UIMC1: variants seen among roughly 807,000 people sequenced by gnomAD.
UIMC1 encodes BRCA1-A complex subunit RAP80.
UIMC1 carries 42 observed loss-of-function variants against 84.9 expected under a neutral mutation model. That is an observed-to-expected ratio of 0.49 (90% confidence interval 0.39 to 0.64). The LOEUF is 0.64. Among genes scored for constraint, UIMC1 ranks in the 30% least tolerant of loss-of-function variants. The probability of loss-of-function intolerance (pLI) is 0.00; values close to 1 mark genes in which losing one functional copy is unlikely to be tolerated. For synonymous variants in UIMC1, 281 were observed against 293.0 expected (o/e 0.96, Z 0.42); for missense variants, 825 against 847.6 (o/e 0.97, Z 0.33).
chr5:176,989,025 G>T (rs1046501678), intron 1 of UIMC1, among the ~76,000 whole-genome samples: 1 of 151,970 alleles, frequency 6.6e-6, no homozygotes, highest in African/African-American at 2.4e-5. Flanking sequence ...GGGAGCCCCG[G>T]ATGATTTTAT....
intron 10 of UIMC1, among the ~76,000 whole-genome samples, chr5:176,911,746 A>T (rs1239128009): frequency 6.6e-6 from 1 of 152,134 alleles, no homozygotes; most frequent in Non-Finnish European, 1.5e-5. Context: ...TATGACACAC[A>T]CTCAAGTGAG....
chr5:177,019,869 T>C (rs1189744625), intron 1 of UIMC1, among the ~76,000 whole-genome samples: 1 of 151,608 alleles, frequency 6.6e-6, no homozygotes, highest in African/African-American at 2.4e-5. Context: ...GAGGTGGAGG[T>C]TGCAGTGAAC....
intron 10 of UIMC1, among the ~76,000 whole-genome samples, chr5:176,931,996 A>C (rs554390506): frequency 2.6e-4 from 40 of 152,254 alleles, no homozygotes; most frequent in African/African-American, 7.7e-4. Flanking sequence ...AACAAACAAA[A>C]AAAGAAGACA....
At chr5:176,926,057 A>C (rs1762353237) in intron 10 of UIMC1, among the ~76,000 whole-genome samples, 1 of 152,226 alleles carries the variant, frequency 6.6e-6, no homozygotes. Flanking sequence ...CTAAGTAATA[A>C]GATTCTTCTA....
chr5:176,968,990 C>T lies in UIMC1; in HGVS notation c.765G>A (p.Arg255=), dbSNP rs148055816. Reference sequence around the variant, plus strand: ...CATCTGCTAGGGTAGGTAGACAGTGCCTAGATGTGTCCCCGCTACCCTGGA... The same window carrying T: ...CATCTGCTAGGGTAGGTAGACAGTGTCTAGATGTGTCCCCGCTACCCTGGA... ...KAVQGSGDTS[R]HCLPTLADAK... The change falls in exon 6 of 15, where the codon AGG becomes AGA. Residue 255 remains arginine (R), a synonymous_variant. Transcript: ENST00000511320. 8.1e-6 allele frequency: 13 copies of T among 1,614,108 alleles called. No homozygotes were observed. In the African/African-American group the frequency reaches 1.7e-4, roughly 22 times the overall value.
intron 1 of UIMC1, among the ~76,000 whole-genome samples, chr5:177,005,118 G>T (rs1476786842): frequency 6.6e-6 from 1 of 151,784 alleles, no homozygotes; most frequent in Non-Finnish European, 1.5e-5. Flanking sequence ...TCTTGCCCAT[G>T]CTGAAGGGCA....
chr5:176,934,177 A>G (rs2149429024), intron 10 of UIMC1, among the ~76,000 whole-genome samples: 1 of 152,324 alleles, frequency 6.6e-6, no homozygotes, highest in Admixed American at 6.5e-5. Context: ...ACAGCAGGAT[A>G]TGAAAAAATC....
chr5:176,912,999 T>C (rs1172869239), intron 10 of UIMC1, among the ~76,000 whole-genome samples: 1 of 152,202 alleles, frequency 6.6e-6, no homozygotes, highest in South Asian at 2.1e-4. Flanking sequence ...TGAGGGAAAT[T>C]CACTTCCCCC....
chr5:176,989,550 C>T (rs778402889), intron 1 of UIMC1, among the ~76,000 whole-genome samples: 10 of 151,896 alleles, frequency 6.6e-5, no homozygotes, highest in Non-Finnish European at 1.2e-4. Context: ...GACCCAGCTA[C>T]TGGAGAGGCT....
chr5:177,020,986 CAA>C (rs1775787027), intron 1 of UIMC1, among the ~76,000 whole-genome samples: 2 of 152,134 alleles, frequency 1.3e-5, no homozygotes, highest in African/African-American at 4.8e-5. Flanking sequence ...GGTGCAATGA[CAA>C]GAGACAAAAG....
chr5:176,987,315 T>C (rs1473142385), intron 1 of UIMC1, among the ~76,000 whole-genome samples: 1 of 152,128 alleles, frequency 6.6e-6, no homozygotes, highest in Non-Finnish European at 1.5e-5. Context: ...TGCATTCCTA[T>C]ATGCTAGACA....
chr5:176,957,550 G>A (rs1484735153), intron 7 of UIMC1, among the ~76,000 whole-genome samples: 2 of 152,216 alleles, frequency 1.3e-5, no homozygotes, highest in South Asian at 2.1e-4. Context: ...GGCACAAACG[G>A]ATTAAAAGTG....
chr5:176,982,749 G>A lies in UIMC1; in HGVS notation c.-8-126C>T, dbSNP rs556264464. ...TGGTCTCGCTTTGTTGCCCAGGCTG[G>A]AGTGCAATGGCACGATCTTGGCTCA... is the stretch of plus-strand genomic sequence containing the variant. On this transcript the variant is annotated intron_variant, in intron 1 of 14. Transcript: ENST00000511320. The A allele has an allele frequency of 3.6e-5, 40 of 1,103,462 alleles. No homozygotes were observed. The African/African-American group carries it at 5.6e-4, about 15-fold the overall frequency. 68.4% of individuals were successfully genotyped at this position (1,103,462 alleles called of 1,614,324 possible). A position where few individuals can be genotyped will look rare whatever the true frequency, so the allele number is the denominator to read the frequency against.
rs531554517 is a variant in UIMC1, at chr5:176,949,441, T to C, written c.1443+2033A>G. Among the ~76,000 whole-genome samples, 3 of 152,356 alleles carry C rather than the reference T, an allele frequency of 2.0e-5. No individual in the cohort carries two copies. The East Asian group carries it at 5.8e-4, about 29-fold the overall frequency. On this transcript the variant is annotated intron_variant, in intron 9 of 14. Transcript: ENST00000511320. ...GGATGGGTATGAAATCAGCCTTAAC[T>C]AAGGGCTTCTTCTGTATGTTAGGAT...
chr5:176,952,438 G>A (rs394335), intron 8 of UIMC1, among the ~76,000 whole-genome samples: 5 of 151,860 alleles, frequency 3.3e-5, no homozygotes, highest in African/African-American at 4.8e-5. Flanking sequence ...TAGTTCAGGG[G>A]CCAGAAAACT....
chr5:176,958,219 TA>T, intron 6 of UIMC1, 65 bp from the exon 7 acceptor site: 2 of 1,374,070 alleles, frequency 1.5e-6, no homozygotes, highest in South Asian at 1.3e-5. Context: ...CTTCCTTTTT[TA>T]AAAAAATTTA....
chr5:176,916,586 TA>T lies in UIMC1; in HGVS notation c.1598-5198del, dbSNP rs1229562551. ...TGAATGAGATAACTGCATTTAACCTTAATGAGTTTTGCTAACAATCATATCA... is the reference window on the plus strand; with the variant it reads ...TGAATGAGATAACTGCATTTAACCTTATGAGTTTTGCTAACAATCATATCA... On this transcript the variant is annotated intron_variant, in intron 10 of 14. Coordinates refer to ENST00000511320, the MANE Select transcript of UIMC1 (RefSeq NM_001199298.2). Among the ~76,000 whole-genome samples the T allele has an allele frequency of 2.6e-5, 4 of 152,338 alleles. No homozygotes were observed. In the East Asian group the frequency reaches 7.7e-4, roughly 29 times the overall value.
At chr5:176,978,653 T>G (rs1447597969) in intron 2 of UIMC1, among the ~76,000 whole-genome samples, 1 of 152,112 alleles carries the variant, frequency 6.6e-6, no homozygotes, top group Non-Finnish European at 1.5e-5. Context: ...CAATATTATA[T>G]TAACATAACA....
chr5:176,968,060 C>G (rs893653444), intron 6 of UIMC1, among the ~76,000 whole-genome samples: 1 of 152,044 alleles, frequency 6.6e-6, no homozygotes, highest in Non-Finnish European at 1.5e-5. Flanking sequence ...AAAATTTTTT[C>G]ATGTATTTTT....
Sources: gnomAD v4.1 joint callset for allele counts (sites outside exome capture counted in the v4.1 genomes callset) on GRCh38, gnomAD v4.1.1 for gene constraint, MANE v1.5 for transcripts, NCBI Gene and HGNC (gene_info 2026-07-23, HGNC 2026-07-21) for gene names.